DPP6: variants seen among roughly 807,000 people sequenced by gnomAD.
DPP6 encodes dipeptidyl peptidase like 6.
A neutral mutation model predicts 122.6 loss-of-function variants in DPP6; 69 were observed. The observed-to-expected ratio is 0.56, with a 90% CI of 0.46 to 0.69. The LOEUF (loss-of-function observed/expected upper bound fraction) is 0.69. DPP6 is among the 30% of genes least tolerant of loss of function. The probability of loss-of-function intolerance (pLI) is 0.00; values close to 1 mark genes in which losing one functional copy is unlikely to be tolerated. For synonymous variants in DPP6, 418 were observed against 433.1 expected (o/e 0.97, Z 0.43); for missense variants, 928 against 1,116.9 (o/e 0.83, Z 2.41).
chr7:154,544,318 A>G (rs1403233289), intron 4 of DPP6, among the ~76,000 whole-genome samples: 2 of 152,082 alleles, frequency 1.3e-5, no homozygotes, highest in African/African-American at 2.4e-5. Flanking sequence ...TCTACAGAAA[A>G]TGAATCAAAT....
intron 8 of DPP6, among the ~76,000 whole-genome samples, chr7:154,758,336 A>T (rs1005614958): frequency 6.6e-6 from 1 of 151,192 alleles, no homozygotes; most frequent in East Asian, 1.9e-4. Context: ...GTCCCATTAC[A>T]TTGAAATCTT....
intron 1 of DPP6, among the ~76,000 whole-genome samples, chr7:154,358,276 G>A (rs1222883099): frequency 6.6e-6 from 1 of 152,202 alleles, no homozygotes; most frequent in Non-Finnish European, 1.5e-5. Flanking sequence ...CTGGACCCAT[G>A]GAGGGTTAGG....
At chr7:154,646,810 A>G (rs970962935) in intron 6 of DPP6, among the ~76,000 whole-genome samples, 5 of 152,176 alleles carry the variant, frequency 3.3e-5, no homozygotes, top group African/African-American at 9.6e-5. Flanking sequence ...GGCTGCACCA[A>G]CAGGTCTTAT....
chr7:154,561,904 A>G (rs1830449815), intron 4 of DPP6, among the ~76,000 whole-genome samples: 1 of 152,194 alleles, frequency 6.6e-6, no homozygotes, highest in Non-Finnish European at 1.5e-5. Context: ...GAAATAAGTA[A>G]CCTGAATACC....
the DPP6 span, among the ~76,000 whole-genome samples, chr7:153,869,916 G>C: frequency 6.6e-6 from 1 of 152,156 alleles, no homozygotes. Context: ...ATGAAGCTTA[G>C]TTTGGCTGGA....
the DPP6 span, among the ~76,000 whole-genome samples, chr7:153,808,415 GTGTC>G: frequency 2.0e-5 from 3 of 151,920 alleles, no homozygotes; most frequent in East Asian, 1.9e-4. Context: ...GCCTGTATGT[GTGTC>G]TGTGTGTGTG....
At chr7:154,341,231 T>G (rs1053157239) in intron 1 of DPP6, among the ~76,000 whole-genome samples, 1 of 152,150 alleles carries the variant, frequency 6.6e-6, no homozygotes, top group African/African-American at 2.4e-5. Flanking sequence ...AGGTGTCAAG[T>G]GCAGCGAGGA....
At chr7:153,853,583 G>C in the DPP6 span, among the ~76,000 whole-genome samples, 1 of 152,066 alleles carries the variant, frequency 6.6e-6, no homozygotes, top group Non-Finnish European at 1.5e-5. Flanking sequence ...ACTTGTACTA[G>C]GCCTGGATGG....
intron 1 of DPP6, among the ~76,000 whole-genome samples, chr7:154,020,083 A>G (rs1438269517): frequency 4.0e-5 from 6 of 151,484 alleles, no homozygotes; most frequent in Non-Finnish European, 8.8e-5. Context: ...GTTTCAAATA[A>G]AACTTTCCAG....
chr7:154,468,077 A>G (rs1821944035), intron 2 of DPP6, among the ~76,000 whole-genome samples: 1 of 152,228 alleles, frequency 6.6e-6, no homozygotes, highest in South Asian at 2.1e-4. Flanking sequence ...TCAGTGCATG[A>G]AAAGATGCTC....
chr7:154,331,740 G>C (rs566179379), intron 1 of DPP6, among the ~76,000 whole-genome samples: 2 of 152,182 alleles, frequency 1.3e-5, no homozygotes, highest in Non-Finnish European at 2.9e-5. Flanking sequence ...CCACACAGCA[G>C]GTGTGGCCAA....
intron 1 of DPP6, among the ~76,000 whole-genome samples, chr7:154,148,696 T>G (rs1440457866): frequency 5.3e-5 from 8 of 152,296 alleles, no homozygotes; most frequent in African/African-American, 1.9e-4. Context: ...TATTTGAAAT[T>G]TCAAATGTCA....
the DPP6 span, among the ~76,000 whole-genome samples, chr7:153,826,867 T>C: frequency 6.6e-6 from 1 of 152,204 alleles, no homozygotes; most frequent in East Asian, 1.9e-4. Context: ...CACACACATA[T>C]ATATGCATAC....
chr7:154,783,004 G>A (rs1271082294), intron 10 of DPP6, among the ~76,000 whole-genome samples: 4 of 151,988 alleles, frequency 2.6e-5, no homozygotes, highest in Admixed American at 6.6e-5. Flanking sequence ...GGCTGGTCTC[G>A]AACTCCCGAC....
chr7:154,232,863 G>A (rs898571916), intron 1 of DPP6, among the ~76,000 whole-genome samples: 13 of 152,138 alleles, frequency 8.5e-5, no homozygotes, highest in South Asian at 2.1e-4. Flanking sequence ...CATACAATGC[G>A]GGAGGAACGC....
At chr7:153,915,257 A>G (rs1800257546) in intron 1 of DPP6, among the ~76,000 whole-genome samples, 1 of 152,158 alleles carries the variant, frequency 6.6e-6, no homozygotes, top group South Asian at 2.1e-4. Flanking sequence ...GAGCAGAGAA[A>G]CCAAGTTTGT....
chr7:154,855,185 A>T (rs779810721), intron 17 of DPP6, among the ~76,000 whole-genome samples: 5 of 152,140 alleles, frequency 3.3e-5, no homozygotes, highest in Non-Finnish European at 5.9e-5. Flanking sequence ...GGCAAAATAG[A>T]TTCGTTTAAA....
intron 22 of DPP6, 35 bp downstream of exon 22, chr7:154,885,779 G>C: frequency 6.4e-7 from 1 of 1,553,894 alleles, no homozygotes; most frequent in Non-Finnish European, 8.7e-7. Flanking sequence ...GACGGGCTCT[G>C]CTCCCGCCCC....
chr7:154,545,367 G>A (rs1829087534), intron 4 of DPP6, among the ~76,000 whole-genome samples: 2 of 151,974 alleles, frequency 1.3e-5, no homozygotes, highest in Middle Eastern at 3.4e-3. Flanking sequence ...TGGTTGCCTG[G>A]TTCCTAAAGT....
Sources: allele counts gnomAD v4.1 joint callset (sites outside exome capture counted in the v4.1 genomes callset), GRCh38; gene constraint gnomAD v4.1.1; transcripts MANE v1.5; gene names NCBI Gene and HGNC (gene_info 2026-07-23, HGNC 2026-07-21).